The following MPDZ variants were observed in gnomAD, a reference collection of about 807,000 sequenced individuals.
MPDZ encodes the protein multiple PDZ domain protein.
Under a neutral mutation model 239.1 loss-of-function variants are expected in MPDZ, and 234 were observed. The ratio of observed to expected loss-of-function variants is 0.98; its 90% confidence interval spans 0.88 to 1.09. The LOEUF is 1.09. MPDZ is among the 50% of genes least tolerant of loss of function. The pLI, the probability that MPDZ is intolerant of heterozygous loss-of-function variation, is 0.00. For synonymous variants in MPDZ, 1,048 were observed against 881.3 expected (o/e 1.19, Z -3.35); for missense variants, 3,175 against 2,510.0 (o/e 1.26, Z -5.66).
At chr9:13,148,386 G>A (rs950021050) in intron 25 of MPDZ, among the ~76,000 whole-genome samples, 15 of 151,960 alleles carry the variant, frequency 9.9e-5, no homozygotes, top group African/African-American at 3.6e-4. Context: ...ACTATAGGAT[G>A]TTAGTATCAT....
At chr9:13,160,425 G>C (rs1440548728) in intron 23 of MPDZ, among the ~76,000 whole-genome samples, 1 of 152,074 alleles carries the variant, frequency 6.6e-6, no homozygotes, top group Non-Finnish European at 1.5e-5. Context: ...TCTTGTCTGT[G>C]CTTGGAGGAA....
intron 3 of MPDZ, among the ~76,000 whole-genome samples, chr9:13,226,177 A>G (rs1960536395): frequency 6.6e-6 from 1 of 152,076 alleles, no homozygotes. Flanking sequence ...GTGCCCTCAA[A>G]TCGTGCTGTC....
At chr9:13,163,739 T>C (rs553434829) in intron 22 of MPDZ, among the ~76,000 whole-genome samples, 1 of 152,284 alleles carries the variant, frequency 6.6e-6, no homozygotes, top group East Asian at 1.9e-4. Context: ...CCATAATTTA[T>C]CTGTTAAAAT....
At chr9:13,114,943 AT>A (rs1943145194) in intron 40 of MPDZ, among the ~76,000 whole-genome samples, 1 of 152,060 alleles carries the variant, frequency 6.6e-6, no homozygotes, top group Non-Finnish European at 1.5e-5. Flanking sequence ...ATAATAAAAA[AT>A]TTGTTATCTT....
chr9:13,152,797 A>T (rs1178099268), intron 24 of MPDZ, among the ~76,000 whole-genome samples: 2 of 152,046 alleles, frequency 1.3e-5, no homozygotes, highest in Non-Finnish European at 2.9e-5. Flanking sequence ...CTATACCCAC[A>T]AAATAAAGAC....
intron 26 of MPDZ, among the ~76,000 whole-genome samples, chr9:13,144,506 G>A (rs1948177132): frequency 6.6e-6 from 1 of 151,932 alleles, no homozygotes; most frequent in African/African-American, 2.4e-5. Flanking sequence ...TCTTTCAGGG[G>A]AAATTGCAGA....
At position 13,121,844 on chromosome 9, in the gene MPDZ, T is replaced by A; in HGVS notation, c.5126A>T (p.Tyr1709Phe). ...CTCTTTGTATGGGGCCTCATCTCTG[T>A]AGAGTGTCAGGCGCACTCTCTGTGG... ...QTPQRVRLTL[Y>F]RDEAPYKEEE... Residue 1709 changes from tyrosine (Y) to phenylalanine (F), a missense_variant, in exon 38 of 47, where the codon TAC (tyrosine) becomes TTC (phenylalanine). By Grantham distance (22) the Tyr-to-Phe change is conservative. Transcript: ENST00000319217. 1 of 1,613,918 alleles carries A rather than the reference T, an allele frequency of 6.2e-7. No homozygotes were observed. The highest frequency in any genetic ancestry group is 2.2e-5 in the East Asian group (1 of 44,878).
Position 13,180,772 on chromosome 9 carries a change from T to C in MPDZ, c.2649+2646A>G, listed in dbSNP as rs112261731. ...AATGACCTGCCTCTATTAAGCCAAA[T>C]GCCATAGAGGCGGGTATATTTTTCA... On this transcript the variant is annotated intron_variant, in intron 19 of 46. Transcript: ENST00000319217. 7.3e-3 allele frequency among the ~76,000 whole-genome samples: 1,118 copies of C among 152,324 alleles called. 14 individuals are homozygous for C. Among genetic ancestry groups the C allele is most frequent in the African/African-American group, 0.026 (1,073 of 41,582 alleles).
Position 13,138,699 on chromosome 9 carries a change from G to T in MPDZ, c.4004-546C>A, listed in dbSNP as rs114176054. 7.1e-3 allele frequency among the ~76,000 whole-genome samples: 1,086 copies of T among 152,276 alleles called. 13 individuals are homozygous for T. The highest frequency in any genetic ancestry group is 0.025 in the African/African-American group (1,040 of 41,564). On this transcript the variant is annotated intron_variant, in intron 28 of 46. Transcript: ENST00000319217. The stretch of plus-strand genomic sequence containing the variant: ...CCAGTTTTGGGACACACGTCCTAAT[G>T]AGATGAGACCATTTACATCTCCTAC...
chr9:13,156,282 C>T (rs527763421), intron 24 of MPDZ, among the ~76,000 whole-genome samples: 19 of 152,286 alleles, frequency 1.2e-4, no homozygotes, highest in Non-Finnish European at 2.4e-4. Context: ...CCTAACATGG[C>T]TCTTACTGAC....
At chr9:13,250,649 TAA>T (rs1011334060) in intron 1 of MPDZ, among the ~76,000 whole-genome samples, 16 of 152,280 alleles carry the variant, frequency 1.1e-4, no homozygotes, top group African/African-American at 2.6e-4. Flanking sequence ...CATATTTCCA[TAA>T]AGAGTTCTCA....
chr9:13,224,351 C>G, intron 4 of MPDZ, 23 bp downstream of exon 4: 1 of 1,575,250 alleles, frequency 6.3e-7, no homozygotes, highest in African/African-American at 1.4e-5. Flanking sequence ...ATTACAATAA[C>G]TAACAGAAAG....
intron 3 of MPDZ, among the ~76,000 whole-genome samples, chr9:13,233,552 T>A (rs1963140144): frequency 6.6e-6 from 1 of 152,164 alleles, no homozygotes. Flanking sequence ...CTGATCATTT[T>A]CCATATCTTG....
intron 3 of MPDZ, among the ~76,000 whole-genome samples, chr9:13,232,663 A>AT (rs1257010326): frequency 6.6e-6 from 1 of 151,794 alleles, no homozygotes; most frequent in Non-Finnish European, 1.5e-5. Context: ...AAAAAAATTT[A>AT]TTTTTAAAAT....
At chr9:13,256,615 C>T (rs908731238) in intron 1 of MPDZ, among the ~76,000 whole-genome samples, 3 of 152,152 alleles carry the variant, frequency 2.0e-5, no homozygotes, top group East Asian at 1.9e-4. Flanking sequence ...AGAATGCGAA[C>T]GGCCCGTTGA....
rs1410923136 is a variant in MPDZ, at chr9:13,168,472, T to G, written c.3148A>C (p.Ile1050Leu). Residue 1050 changes from isoleucine (I) to leucine (L), a missense_variant, in exon 22 of 47, where the codon ATT becomes CTT. Transcript: ENST00000319217. The part of the protein sequence containing the change: ...GAISRDGRIA[I>L]GDCILSINEE... ...TTAATGGACAAGATGCAGTCCCCAA[T>G]GGCAATCCGGCCATCTCGACTAATG... 6.2e-7 allele frequency: 1 copy of G among 1,613,586 alleles called. No homozygotes were observed. The highest frequency in any genetic ancestry group is 1.3e-5 in the African/African-American group (1 of 75,036).
rs754894248 is a variant in MPDZ at position 13,122,139 on chromosome 9, T to C, written c.4985A>G (p.Glu1662Gly). 6.2e-7 allele frequency: 1 copy of C among 1,614,030 alleles called. No homozygotes were observed. Reference protein sequence around the residue: ...GAIIIHEVYEEGAACKDGRLW... With the variant: ...GAIIIHEVYEGGAACKDGRLW... ...TCTTCCATCTTTACATGCTGCTCCT[T>C]CTTCATAAACTTCATGGATAATAAT... is the stretch of plus-strand genomic sequence containing the variant. Residue 1662 changes from glutamate to glycine, a missense_variant, in exon 37 of 47, where the codon GAA (glutamate) becomes GGA (glycine). Glu to Gly is a moderately conservative substitution (Grantham distance 98). Coordinates refer to ENST00000319217, the MANE Select transcript of MPDZ (RefSeq NM_001378778.1).
intron 27 of MPDZ, among the ~76,000 whole-genome samples, chr9:13,140,395 T>TATATATATATATATATATATATATATAC (rs1947485796): frequency 7.1e-6 from 1 of 140,568 alleles, no homozygotes. Context: ...TATATATACA[T>TATATATATATATATATATATATATATAC]ATATATATAT....
At chr9:13,212,390 C>G (rs949880915) in intron 10 of MPDZ, among the ~76,000 whole-genome samples, 2 of 151,984 alleles carry the variant, frequency 1.3e-5, no homozygotes, top group Admixed American at 6.6e-5. Flanking sequence ...CCACATGGCA[C>G]TTTGTACTGG....
Sources: allele counts gnomAD v4.1 joint callset (sites outside exome capture counted in the v4.1 genomes callset), GRCh38; gene constraint gnomAD v4.1.1; transcripts MANE v1.5; gene names NCBI Gene and HGNC (gene_info 2026-07-23, HGNC 2026-07-21).